Variants in PMEPA1 observed in about 807,000 individuals in gnomAD.
PMEPA1 encodes the protein prostate transmembrane protein, androgen induced 1.
Under a neutral mutation model 23.0 loss-of-function variants are expected in PMEPA1, and 11 were observed. The ratio of observed to expected loss-of-function variants is 0.48; its 90% CI spans 0.30 to 0.79. The LOEUF (loss-of-function observed/expected upper bound fraction) is 0.79, where lower values mean the gene tolerates loss of function less well. PMEPA1 is among the 30% of genes least tolerant of loss of function. The probability of loss-of-function intolerance (pLI) is 0.06; values close to 1 mark genes in which losing one functional copy is unlikely to be tolerated. For synonymous variants in PMEPA1, 204 were observed against 166.4 expected, an observed-to-expected ratio of 1.23 and a Z score of -1.74; for missense variants, 377 against 390.9, an observed-to-expected ratio of 0.96 and a Z score of 0.30.
intron 1 of PMEPA1, among the ~76,000 whole-genome samples, chr20:57,696,020 C>A (rs2071939037): frequency 6.6e-6 from 1 of 152,200 alleles, no homozygotes; most frequent in Non-Finnish European, 1.5e-5. Context: ...GAGCTCAGAT[C>A]CTGCCCAAGC....
At chr20:57,674,873 G>A (rs2071615091) in intron 1 of PMEPA1, among the ~76,000 whole-genome samples, 1 of 152,220 alleles carries the variant, frequency 6.6e-6, no homozygotes, top group African/African-American at 2.4e-5. Flanking sequence ...CTGGAGCACA[G>A]CAATTTGATC....
At chr20:57,659,140 C>A (rs974774964) in intron 2 of PMEPA1, among the ~76,000 whole-genome samples, 1 of 151,518 alleles carries the variant, frequency 6.6e-6, no homozygotes, top group African/African-American at 2.4e-5. Flanking sequence ...CCAGTGGTCG[C>A]ATCTCCTGCA....
At position 57,709,552 on chromosome 20, in the gene PMEPA1, C is replaced by A. The variant is rs532526691; in HGVS notation, c.31G>T (p.Ala11Ser). ...TTGGGCTGCCCGGCGGCGGCGGCGG[C>A]GGTGCTGTTGACCCCCATCAAGCGG... MHRLMGVNST[A>S]AAAAGQPNVS... Residue 11 changes from alanine (A) to serine (S), a missense_variant, in exon 1 of 4, where the codon GCC becomes TCC. Ala to Ser is a moderately conservative substitution (Grantham distance 99). Around this residue, in one of 3 missense-constraint regions of PMEPA1, gnomAD observed 198 missense variants for 196.3 expected, o/e 1.01. Coordinates refer to ENST00000341744, the MANE Select transcript of PMEPA1 (RefSeq NM_020182.5). 3 of 1,075,966 alleles carry A rather than the reference C, an allele frequency of 2.8e-6. No homozygotes were observed. The highest frequency in any genetic ancestry group is 3.4e-6 in the Non-Finnish European group (3 of 872,458). 66.7% of individuals were successfully genotyped at this position (1,075,966 alleles called of 1,614,324 possible).
intron 1 of PMEPA1, among the ~76,000 whole-genome samples, chr20:57,676,597 C>G (rs2071639794): frequency 6.6e-6 from 1 of 152,180 alleles, no homozygotes; most frequent in South Asian, 2.1e-4. Flanking sequence ...CAGAAACATC[C>G]ATCAGAAGAC....
intron 1 of PMEPA1, among the ~76,000 whole-genome samples, chr20:57,692,277 C>T (rs6099720): frequency 0.25 from 38,386 of 152,166 alleles, 6,280 homozygotes; most frequent in East Asian, 0.54. Flanking sequence ...GACACTCTTA[C>T]GTGGTGACCA....
chr20:57,691,950 TCA>T (rs1001755567), intron 1 of PMEPA1: 2 of 152,304 alleles, frequency 1.3e-5, no homozygotes, highest in African/African-American at 4.8e-5. Flanking sequence ...GAACTCCTAC[TCA>T]CACTGCAGGC....
intron 1 of PMEPA1, among the ~76,000 whole-genome samples, chr20:57,700,737 C>A (rs1053370649): frequency 6.6e-6 from 1 of 152,056 alleles, no homozygotes; most frequent in Admixed American, 6.6e-5. Context: ...TAAAAGACAT[C>A]AAAAAAGGAG....
rs201355830 is a variant in PMEPA1 at position 57,679,488 on chromosome 20, G to A, written c.110-19791C>T. ...ACACGGCACACATCAGACCTGCTGG[G>A]GAAGCTCCTTTCAGACAATGCGGGA... On this transcript the variant is annotated intron_variant, in intron 1 of 3. Coordinates refer to ENST00000341744, the MANE Select transcript of PMEPA1 (RefSeq NM_020182.5). 3.9e-5 allele frequency among the ~76,000 whole-genome samples: 6 copies of A among 152,314 alleles called. No homozygotes were observed. In the East Asian group the frequency reaches 1.2e-3, roughly 29 times the overall value.
At chr20:57,669,156 T>TTTAG (rs2071533753) in intron 1 of PMEPA1, among the ~76,000 whole-genome samples, 1 of 151,354 alleles carries the variant, frequency 6.6e-6, no homozygotes, top group Admixed American at 6.6e-5. Context: ...TATTTATTTA[T>TTTAG]TTATTTATTT....
intron 2 of PMEPA1, among the ~76,000 whole-genome samples, chr20:57,654,491 C>A (rs1336119316): frequency 1.3e-5 from 2 of 152,072 alleles, no homozygotes; most frequent in African/African-American, 4.8e-5. Context: ...ACTGTCCCGT[C>A]AGGACCGCTC....
rs560890044 is a variant in PMEPA1, at chr20:57,669,236, C to G, written c.110-9539G>C. Among the ~76,000 whole-genome samples, 9 of 152,192 alleles carry G rather than the reference C, an allele frequency of 5.9e-5. No individual in the cohort carries two copies. In the South Asian group the frequency reaches 1.9e-3, roughly 32 times the overall value. On this transcript the variant is annotated intron_variant, in intron 1 of 3. Transcript: ENST00000341744. ...GGAGTGCAGTGGTGCAATCTTGACT[C>G]ACTGCAACCTCCACCTCCTGGTCAG...
upstream of PMEPA1, chr20:57,710,306 G>T: frequency 1.3e-6 from 1 of 767,266 alleles, no homozygotes. Context: ...GCCGCACCCG[G>T]GCGGGTTGCT....
rs994750604 is a variant in PMEPA1 at position 57,709,828 on chromosome 20, G to T, written c.-246C>A. ...CCCCGGGGGCGTCGGCAGTGCCCGCGGGTGGCGTCCGGAAAATGGGCTGGC... is the reference window on the plus strand; with the variant it reads ...CCCCGGGGGCGTCGGCAGTGCCCGCTGGTGGCGTCCGGAAAATGGGCTGGC... On this transcript the variant is annotated 5_prime_UTR_variant, in exon 1 of 4. Coordinates refer to ENST00000341744, the MANE Select transcript of PMEPA1 (RefSeq NM_020182.5). 14 of 985,642 alleles carry T rather than the reference G, an allele frequency of 1.4e-5. No homozygotes were observed. The highest frequency in any genetic ancestry group is 1.6e-5 in the Non-Finnish European group (13 of 830,552). The allele number at this position is 985,642 out of a possible 1,614,324, so 61.1% of individuals were successfully genotyped here. A position where few individuals can be genotyped will look rare whatever the true frequency, so the allele number is the denominator to read the frequency against.
intron 1 of PMEPA1, among the ~76,000 whole-genome samples, chr20:57,689,822 G>A (rs1170274327): frequency 6.6e-6 from 1 of 152,162 alleles, no homozygotes; most frequent in African/African-American, 2.4e-5. Context: ...CCTTTCAGAC[G>A]TGTTTGACCA....
intron 1 of PMEPA1, among the ~76,000 whole-genome samples, chr20:57,675,968 T>C (rs1403209331): frequency 1.3e-5 from 2 of 152,058 alleles, no homozygotes; most frequent in African/African-American, 2.4e-5. Context: ...CGCCTCTCCC[T>C]GTCCCCGCCC....
intron 1 of PMEPA1, among the ~76,000 whole-genome samples, chr20:57,667,502 C>T (rs562471262): frequency 1.3e-4 from 20 of 152,226 alleles, no homozygotes; most frequent in Admixed American, 1.3e-3. Flanking sequence ...GAGCAGAGTC[C>T]ACCCGGCTCC....
chr20:57,689,336 G>C (rs1210339135), intron 1 of PMEPA1, among the ~76,000 whole-genome samples: 2 of 152,164 alleles, frequency 1.3e-5, no homozygotes, highest in Non-Finnish European at 2.9e-5. Context: ...TGAGTGTCTA[G>C]ACCGCCAGTC....
intron 1 of PMEPA1, among the ~76,000 whole-genome samples, chr20:57,698,749 A>G (rs747321072): frequency 1.8e-4 from 27 of 152,088 alleles, no homozygotes; most frequent in African/African-American, 6.3e-4. Flanking sequence ...TTCACTTTCC[A>G]CCTTCTTCTG....
intron 1 of PMEPA1, among the ~76,000 whole-genome samples, chr20:57,665,139 C>T (rs2071474904): frequency 1.3e-5 from 2 of 152,210 alleles, no homozygotes; most frequent in Admixed American, 1.3e-4. Flanking sequence ...ACTGTAGTCA[C>T]TGTAAGTATT....
Sources: allele counts gnomAD v4.1 joint callset (sites outside exome capture counted in the v4.1 genomes callset), GRCh38; gene constraint gnomAD v4.1.1; regional missense constraint gnomAD v4.1.1; transcripts MANE v1.5; gene names NCBI Gene and HGNC (gene_info 2026-07-23, HGNC 2026-07-21).